Variants in FAM178B observed in about 807,000 individuals in gnomAD.
FAM178B encodes protein FAM178B.
Under a neutral mutation model 91.7 loss-of-function variants are expected in FAM178B, and 82 were observed. The ratio of observed to expected loss-of-function variants is 0.89; its 90% CI spans 0.75 to 1.07. The LOEUF is 1.07. Among genes scored for constraint, FAM178B ranks in the 50% least tolerant of loss-of-function variants. The probability of loss-of-function intolerance (pLI) is 0.00; values close to 1 mark genes in which losing one functional copy is unlikely to be tolerated. For synonymous variants in FAM178B, 368 were observed against 359.4 expected, an observed-to-expected ratio of 1.02 and a Z score of -0.27; for missense variants, 769 against 846.7, an observed-to-expected ratio of 0.91 and a Z score of 1.14.
rs1204060659 is a variant in FAM178B at position 96,986,280 on chromosome 2, G to A, written c.34C>T (p.Pro12Ser). ...CGCTGATCCTGCCTCCTGAGTTGTG[G>A]AGCGAGGCCCGCACCTGGAAGCCTT... ...WPRLPGAGLA[P>S]QLRRQDQRLH... Residue 12 changes from proline (P) to serine (S), a missense_variant, in exon 1 of 17, where the codon CCA (proline) becomes TCA (serine). By Grantham distance (74) the Pro-to-Ser change is moderately conservative. Coordinates refer to ENST00000490605, the MANE Select transcript of FAM178B (RefSeq NM_001122646.3). The A allele has an allele frequency of 6.5e-7, 1 of 1,534,462 alleles. No homozygotes were observed. Among genetic ancestry groups the A allele is most frequent in the South Asian group, 1.2e-5 (1 of 83,986 alleles).
At chr2:96,969,961 C>A (rs1046071618) in intron 4 of FAM178B, among the ~76,000 whole-genome samples, 1 of 152,194 alleles carries the variant, frequency 6.6e-6, no homozygotes, top group Non-Finnish European at 1.5e-5. Context: ...GGTGGCATCG[C>A]CCCCGCCCAC....
chr2:96,973,412 C>T (rs551558767), intron 1 of FAM178B, among the ~76,000 whole-genome samples: 122 of 152,214 alleles, frequency 8.0e-4, no homozygotes, highest in African/African-American at 2.6e-3. Flanking sequence ...TGTGCATTTT[C>T]GCTGAATGAA....
intron 6 of FAM178B, among the ~76,000 whole-genome samples, chr2:96,955,905 G>C (rs1426047621): frequency 1.3e-5 from 2 of 152,170 alleles, no homozygotes; most frequent in Non-Finnish European, 2.9e-5. Context: ...ACAAGAGGCG[G>C]GGCTGCCGGG....
intron 12 of FAM178B, among the ~76,000 whole-genome samples, chr2:96,913,274 C>T (rs754402635): frequency 6.6e-6 from 1 of 152,094 alleles, no homozygotes; most frequent in Non-Finnish European, 1.5e-5. Context: ...TGCTAAGGTC[C>T]CCAGGAGGCT....
intron 12 of FAM178B, among the ~76,000 whole-genome samples, chr2:96,909,147 AAAAAAAAAAAAAAG>A (rs1406242485): frequency 8.6e-5 from 10 of 116,456 alleles, no homozygotes; most frequent in African/African-American, 2.5e-4. Context: ...TGTCTCAAAA[AAAAAAAAAAAAAAG>A]AAAAAAGAAA....
At chr2:96,961,858 C>T (rs1032919820) in intron 5 of FAM178B, among the ~76,000 whole-genome samples, 13 of 152,190 alleles carry the variant, frequency 8.5e-5, no homozygotes, top group Non-Finnish European at 2.9e-5. Context: ...CAAATGGGAA[C>T]GATGCTGCAG....
chr2:96,980,226 C>A (rs2082344566), intron 1 of FAM178B, among the ~76,000 whole-genome samples: 1 of 151,960 alleles, frequency 6.6e-6, no homozygotes, highest in African/African-American at 2.4e-5. Context: ...CAGGCATGCA[C>A]CACCACACCC....
intron 5 of FAM178B, 43 bp from the exon 6 acceptor site, chr2:96,960,483 AC>A (rs1330178027): frequency 6.7e-7 from 1 of 1,502,482 alleles, no homozygotes; most frequent in Non-Finnish European, 8.9e-7. Context: ...CAGCAGATGC[AC>A]CTCGGCCTGA....
chr2:96,881,354 G>A (rs1174692011), intron 14 of FAM178B, among the ~76,000 whole-genome samples: 9 of 151,756 alleles, frequency 5.9e-5, no homozygotes, highest in African/African-American at 2.2e-4. Flanking sequence ...AGGGGATGCC[G>A]AAGAAAACAT....
intron 14 of FAM178B, among the ~76,000 whole-genome samples, chr2:96,887,899 G>A (rs1244561141): frequency 1.3e-5 from 2 of 152,220 alleles, no homozygotes; most frequent in Non-Finnish European, 2.9e-5. Context: ...CCCGGGTGCT[G>A]CCAAGGCCCT....
intron 6 of FAM178B, among the ~76,000 whole-genome samples, chr2:96,955,834 G>C (rs1362512933): frequency 6.6e-6 from 1 of 152,182 alleles, no homozygotes; most frequent in African/African-American, 2.4e-5. Flanking sequence ...GAACTGCTGG[G>C]TTTATTGCAC....
rs907540624 is a variant in FAM178B, at chr2:96,893,774, A to G, written c.1776+152T>C. ...GAGATGCTGAGCACCTCTGCTCAAC[A>G]CAGGGAGGCAGCCTGTTGGTCTCTG... is the stretch of plus-strand genomic sequence containing the variant. On this transcript the variant is annotated intron_variant, in intron 14 of 16. Transcript: ENST00000490605. The G allele has an allele frequency of 4.9e-5, 48 of 972,320 alleles. No individual in the cohort carries two copies. In the African/African-American group the frequency reaches 7.6e-4, roughly 15 times the overall value. 60.2% of individuals were successfully genotyped at this position (972,320 alleles called of 1,614,324 possible).
Position 96,878,056 on chromosome 2 carries a change from G to A in FAM178B, c.1855-14C>T. The stretch of plus-strand genomic sequence containing the variant: ...CTGCAGCTCGCCCTGTGGAGGCGGA[G>A]GGAGGCCAAGAAGCGGGTGTAGCAC... On this transcript the variant is annotated splice_polypyrimidine_tract_variant and intron_variant, in intron 15 of 16. Coordinates refer to ENST00000490605, the MANE Select transcript of FAM178B (RefSeq NM_001122646.3). 3.7e-6 allele frequency: 6 copies of A among 1,605,240 alleles called. No individual in the cohort carries two copies. Among genetic ancestry groups the A allele is most frequent in the Non-Finnish European group, 5.1e-6 (6 of 1,179,874 alleles).
At chr2:96,970,572 G>A (rs548040965) in intron 4 of FAM178B, 144 bp downstream of exon 4, 9 of 604,582 alleles carry the variant, frequency 1.5e-5, no homozygotes, top group South Asian at 9.4e-5. Context: ...CTGGCGACCT[G>A]CCTGTTACTG....
chr2:96,893,944 A>G lies in FAM178B; in HGVS notation c.1758T>C (p.Ser586=). The G allele has an allele frequency of 6.2e-7, 1 of 1,612,728 alleles. No homozygotes were observed. Among genetic ancestry groups the G allele is most frequent in the Non-Finnish European group, 8.5e-7 (1 of 1,179,554 alleles). ...PPCQEQQPKA[S]AELDHKACYL... is the part of the protein sequence containing the mutation. ...CACTCACCTTGTGGTCTAGCTCGGC[A>G]CTAGCCTTTGGCTGTTGCTCCTGGC... Residue 586 remains serine (S), a synonymous_variant, in exon 14 of 17, where the codon AGT becomes AGC. Transcript: ENST00000490605.
chr2:96,970,620 G>A lies in FAM178B; in HGVS notation c.626+96C>T, dbSNP rs938491186. 14 of 946,130 alleles carry A rather than the reference G, an allele frequency of 1.5e-5. No individual in the cohort carries two copies. In the African/African-American group the frequency reaches 2.1e-4, roughly 14 times the overall value. 58.6% of individuals were successfully genotyped at this position (946,130 alleles called of 1,614,324 possible). On this transcript the variant is annotated intron_variant, in intron 4 of 16. Coordinates refer to ENST00000490605, the MANE Select transcript of FAM178B (RefSeq NM_001122646.3). The stretch of plus-strand genomic sequence containing the variant: ...AGGGCAGGCTGAGTCTGGGTGGGAG[G>A]CCGCTGTACTCCGACCAGACTCTGC...
chr2:96,910,813 T>TTTTGAGACAGTCTTGC (rs2081141226), intron 12 of FAM178B, among the ~76,000 whole-genome samples: 1 of 151,578 alleles, frequency 6.6e-6, no homozygotes, highest in Admixed American at 6.6e-5. Flanking sequence ...TTTTTTTTTT[T>TTTTGAGACAGTCTTGC]TTTGAGACAG....
chr2:96,923,717 A>G (rs2081386067), intron 9 of FAM178B, 134 bp from the exon 10 acceptor site: 3 of 670,516 alleles, frequency 4.5e-6, no homozygotes, highest in Non-Finnish European at 7.9e-6. Flanking sequence ...CACACAGATG[A>G]TCTCATGAGT....
intron 6 of FAM178B, chr2:96,951,724 T>A (rs2153373517): frequency 2.2e-6 from 1 of 453,762 alleles, no homozygotes; most frequent in African/African-American, 2.0e-5. Context: ...TCATGGTGTT[T>A]AAAACACATG....
Sources: allele counts gnomAD v4.1 joint callset (sites outside exome capture counted in the v4.1 genomes callset), GRCh38; gene constraint gnomAD v4.1.1; transcripts MANE v1.5; gene names NCBI Gene and HGNC (gene_info 2026-07-23, HGNC 2026-07-21).